The following NCKAP5 variants were observed in gnomAD, a reference collection of about 807,000 sequenced individuals.
NCKAP5 encodes the protein nck-associated protein 5.
NCKAP5 carries 92 observed loss-of-function variants against 167.0 expected under a neutral mutation model. That is an observed-to-expected ratio of 0.55 (90% CI 0.47 to 0.66). The LOEUF (loss-of-function observed/expected upper bound fraction) is 0.66, where lower values mean the gene tolerates loss of function less well. NCKAP5 is among the 30% of genes least tolerant of loss of function. The probability of loss-of-function intolerance (pLI) is 0.00; values close to 1 mark genes in which losing one functional copy is unlikely to be tolerated. For missense variants in NCKAP5, 2,378 were observed against 2,315.0 expected (o/e 1.03, Z -0.56); for synonymous variants, 891 against 877.4 (o/e 1.02, Z -0.27).
intron 3 of NCKAP5, among the ~76,000 whole-genome samples, chr2:133,342,099 C>T (rs1422322130): frequency 6.6e-6 from 1 of 152,026 alleles, no homozygotes; most frequent in African/African-American, 2.4e-5. Context: ...CCACCATGCC[C>T]AGCTAATTTT....
intron 3 of NCKAP5, among the ~76,000 whole-genome samples, chr2:133,347,351 C>T (rs763810330): frequency 6.6e-6 from 1 of 151,924 alleles, no homozygotes; most frequent in Admixed American, 6.6e-5. Context: ...GTTGGAAGTT[C>T]GAGATCAGCC....
At chr2:133,073,477 C>T (rs1011971504) in intron 6 of NCKAP5, among the ~76,000 whole-genome samples, 1 of 152,162 alleles carries the variant, frequency 6.6e-6, no homozygotes, top group Non-Finnish European at 1.5e-5. Flanking sequence ...TCAGATAGTG[C>T]CAGGCTGGCA....
intron 3 of NCKAP5, among the ~76,000 whole-genome samples, chr2:133,496,422 G>A (rs540334593): frequency 1.3e-5 from 2 of 152,154 alleles, no homozygotes; most frequent in Admixed American, 6.5e-5. Flanking sequence ...TTTATAGGAC[G>A]AATTTTTTAT....
the NCKAP5 span, among the ~76,000 whole-genome samples, chr2:133,651,309 A>G: frequency 1.3e-5 from 2 of 152,202 alleles, no homozygotes; most frequent in Non-Finnish European, 2.9e-5. Context: ...AGTAAAACAA[A>G]CTAAAACTAA....
rs566455626 is a variant in NCKAP5 at position 133,061,961 on chromosome 2, G to GA, written c.342-67723dup. Among the ~76,000 whole-genome samples, 1,111 of 149,872 alleles carry GA rather than the reference G, an allele frequency of 7.4e-3. 6 individuals are homozygous for GA. The highest frequency in any genetic ancestry group is 0.014 in the Middle Eastern group (4 of 292). On this transcript the variant is annotated intron_variant, in intron 6 of 19. Transcript: ENST00000409261. The stretch of plus-strand genomic sequence containing the variant: ...CACATTTTTTTTGGTAAGTTCAAAT[G>GA]AAAAAAAAATGTATCTTAAGTCATG...
Position 132,784,207 on chromosome 2 carries a change from A to G in NCKAP5, c.2604T>C (p.His868=). 6 of 1,569,958 alleles carry G rather than the reference A, an allele frequency of 3.8e-6. No homozygotes were observed. Among genetic ancestry groups the G allele is most frequent in the Non-Finnish European group, 5.2e-6 (6 of 1,159,592 alleles). The change falls in exon 14 of 20, where the codon CAT becomes CAC. Residue 868 remains histidine (H), a synonymous_variant. Transcript: ENST00000409261. The part of the protein sequence containing the change: ...ELRSDPHIPK[H]SAQLPHSSRM... ...TGGAGCTGTGCGGAAGTTGGGCGGAATGTTTTGGAATGTGTGGATCTGATC... is the reference window on the plus strand; with the variant it reads ...TGGAGCTGTGCGGAAGTTGGGCGGAGTGTTTTGGAATGTGTGGATCTGATC...
At chr2:133,460,576 G>A (rs1462415097) in intron 3 of NCKAP5, among the ~76,000 whole-genome samples, 2 of 152,016 alleles carry the variant, frequency 1.3e-5, no homozygotes, top group African/African-American at 2.4e-5. Context: ...CTAGAATAAC[G>A]CTTAGGAGCA....
At chr2:133,147,918 G>T (rs2083257324) in intron 5 of NCKAP5, among the ~76,000 whole-genome samples, 1 of 151,904 alleles carries the variant, frequency 6.6e-6, no homozygotes, top group African/African-American at 2.4e-5. Flanking sequence ...TGGAAGCATG[G>T]GTACCAAAGG....
At chr2:132,830,478 G>T (rs528176532) in intron 11 of NCKAP5, among the ~76,000 whole-genome samples, 1 of 151,826 alleles carries the variant, frequency 6.6e-6, no homozygotes, top group Non-Finnish European at 1.5e-5. Context: ...TCTCACTCCC[G>T]AAGAACAAAG....
At chr2:132,790,958 T>C (rs1388103488) in intron 12 of NCKAP5, among the ~76,000 whole-genome samples, 1 of 152,182 alleles carries the variant, frequency 6.6e-6, no homozygotes. Context: ...ACTCGAATGC[T>C]ACAAAAGGAC....
At chr2:133,648,591 AAC>A in the NCKAP5 span, among the ~76,000 whole-genome samples, 3 of 152,254 alleles carry the variant, frequency 2.0e-5, no homozygotes, top group African/African-American at 7.2e-5. Context: ...ACTACAAATC[AAC>A]AGAAGAAAAA....
chr2:133,434,249 A>G lies in NCKAP5; in HGVS notation c.69+83209T>C, dbSNP rs368046033. 8.5e-5 allele frequency among the ~76,000 whole-genome samples: 13 copies of G among 152,328 alleles called. No homozygotes were observed. In the East Asian group the frequency reaches 2.5e-3, roughly 29 times the overall value. ...GCCAGGTGATGCTTGATAGCAACAT[A>G]AAGGTTACTTATCTTTAAAAACGCT... On this transcript the variant is annotated intron_variant, in intron 3 of 19. Transcript: ENST00000409261.
intron 8 of NCKAP5, chr2:132,915,509 C>T (rs1694794374): frequency 6.6e-6 from 1 of 152,080 alleles, no homozygotes; most frequent in African/African-American, 2.4e-5. Context: ...GGGAACAAGG[C>T]ACTGCAGAAC....
chr2:132,782,485 T>A lies in NCKAP5; in HGVS notation c.4326A>T (p.Thr1442=). 3.7e-6 allele frequency: 6 copies of A among 1,610,800 alleles called. No homozygotes were observed. Among genetic ancestry groups the A allele is most frequent in the Non-Finnish European group, 5.1e-6 (6 of 1,178,556 alleles). The change falls in exon 14 of 20, where the codon ACA becomes ACT. Residue 1442 remains threonine (T), a synonymous_variant. Transcript: ENST00000409261. ...GCCTTCCAGAAGTTTCTAGCTTGGA[T>A]GTACTGCTTGTTTCAAAAGTGCTTG... ...QHPSTFETSS[T]SKLETSGRHP...
chr2:132,735,135 C>T (rs1262612555), intron 16 of NCKAP5, among the ~76,000 whole-genome samples: 1 of 152,228 alleles, frequency 6.6e-6, no homozygotes, highest in African/African-American at 2.4e-5. Context: ...AGCAACTCTT[C>T]CTTCTGCCCT....
chr2:133,002,070 G>T lies in NCKAP5; in HGVS notation c.342-7831C>A, dbSNP rs112078736. Among the ~76,000 whole-genome samples the T allele has an allele frequency of 6.7e-3, 1,025 of 152,250 alleles. 10 individuals carry two copies. Among genetic ancestry groups the T allele is most frequent in the African/African-American group, 0.024 (982 of 41,548 alleles). On this transcript the variant is annotated intron_variant, in intron 6 of 19. Transcript: ENST00000409261. ...GAAAGCTGAGCATCCCCAGATTCTG[G>T]TATCTGACGAGGGGTCCTGGAATCG...
intron 3 of NCKAP5, among the ~76,000 whole-genome samples, chr2:133,482,887 T>C (rs1241263498): frequency 6.6e-6 from 1 of 152,136 alleles, no homozygotes; most frequent in South Asian, 2.1e-4. Context: ...TTGTCTCTCA[T>C]GTAAGGACCA....
intron 3 of NCKAP5, among the ~76,000 whole-genome samples, chr2:133,481,559 T>G (rs2151315326): frequency 6.6e-6 from 1 of 152,266 alleles, no homozygotes; most frequent in East Asian, 1.9e-4. Context: ...CATTAGTTAT[T>G]TTTTCCTGAT....
At chr2:132,771,651 T>C (rs1008719778) in intron 16 of NCKAP5, among the ~76,000 whole-genome samples, 11 of 151,262 alleles carry the variant, frequency 7.3e-5, no homozygotes, top group African/African-American at 2.7e-4. Flanking sequence ...TATACAGGTA[T>C]ATTGTTGTTT....
Sources: gnomAD v4.1 joint callset for allele counts (sites outside exome capture counted in the v4.1 genomes callset) on GRCh38, gnomAD v4.1.1 for gene constraint, MANE v1.5 for transcripts, NCBI Gene and HGNC (gene_info 2026-07-23, HGNC 2026-07-21) for gene names.